SCNN1G: variants seen among roughly 807,000 people sequenced by gnomAD.
SCNN1G encodes sodium channel epithelial 1 subunit gamma, also known as epithelial sodium channel subunit gamma.
Under a neutral mutation model 64.6 loss-of-function variants are expected in SCNN1G, and 27 were observed. The ratio of observed to expected loss-of-function variants is 0.42; its 90% CI spans 0.31 to 0.58. The LOEUF is 0.58. Among genes scored for constraint, SCNN1G ranks in the 20% least tolerant of loss-of-function variants. The pLI, the probability that SCNN1G is intolerant of heterozygous loss-of-function variation, is 0.18. For missense variants in SCNN1G, 743 were observed against 823.4 expected, an observed-to-expected ratio of 0.90 and a Z score of 1.19; for synonymous variants, 330 against 314.2, an observed-to-expected ratio of 1.05 and a Z score of -0.53.
At chr16:23,213,425 T>C (rs1047848331) in intron 11 of SCNN1G, among the ~76,000 whole-genome samples, 1 of 152,094 alleles carries the variant, frequency 6.6e-6, no homozygotes, top group African/African-American at 2.4e-5. Flanking sequence ...GCTAATTTTA[T>C]ATTTTTAGCA....
intron 6 of SCNN1G, among the ~76,000 whole-genome samples, chr16:23,204,001 AG>A (rs1959935794): frequency 6.6e-6 from 1 of 151,424 alleles, no homozygotes; most frequent in Admixed American, 6.6e-5. Flanking sequence ...GGCTTGGCTG[AG>A]GGCAGTGACT....
chr16:23,212,141 C>A lies in SCNN1G; in HGVS notation c.1284C>A (p.His428Gln), dbSNP rs749657510. 1.9e-6 allele frequency: 3 copies of A among 1,610,426 alleles called. No individual in the cohort carries two copies. The highest frequency in any genetic ancestry group is 2.5e-6 in the Non-Finnish European group (3 of 1,176,804). Residue 428 changes from histidine (H) to glutamine (Q), a missense_variant, in exon 8 of 13, where the codon CAC (histidine) becomes CAA (glutamine). Transcript: ENST00000300061. ...CCAACTACTGCAACTACCAGCAGCA[C>A]CCCAACTGGAGTGAGTGAGACCCAG... Reference protein sequence around the residue: ...PAANYCNYQQHPNWMYCYYQL... With the variant: ...PAANYCNYQQQPNWMYCYYQL...
chr16:23,184,584 G>A (rs1207447178), intron 1 of SCNN1G, among the ~76,000 whole-genome samples: 2 of 152,034 alleles, frequency 1.3e-5, no homozygotes, highest in Non-Finnish European at 2.9e-5. Flanking sequence ...TCAATCTATG[G>A]AGGGTTTAGA....
At position 23,215,188 on chromosome 16, in the gene SCNN1G, T is replaced by C. The variant is rs1960140012; in HGVS notation, c.1669T>C (p.Phe557Leu). Residue 557 changes from phenylalanine (F) to leucine (L), a missense_variant, in exon 13 of 13, where the codon TTC becomes CTC. Transcript: ENST00000300061. ...GATCATCGAGGTCTTCTTCATTGAC[T>C]TCTTCTCTATCATTGCCCGCCGCCA... ...IEIIEVFFID[F>L]FSIIARRQWQ... The C allele has an allele frequency of 3.7e-6, 6 of 1,614,024 alleles. No homozygotes were observed. Among genetic ancestry groups the C allele is most frequent in the African/African-American group, 1.3e-5 (1 of 74,910 alleles).
At position 23,210,177 on chromosome 16, in the gene SCNN1G, G is replaced by A. The variant is rs995235223; in HGVS notation, c.1176+329G>A. On this transcript the variant is annotated intron_variant, in intron 7 of 12. Coordinates refer to ENST00000300061, the MANE Select transcript of SCNN1G (RefSeq NM_001039.4). ...CTGAAGGGTCAAGAGCATGGCTTCCGGGCCTGCTGGTGCCCCTCTCTGGAT... is the reference window on the plus strand; with the variant it reads ...CTGAAGGGTCAAGAGCATGGCTTCCAGGCCTGCTGGTGCCCCTCTCTGGAT... Among the ~76,000 whole-genome samples the A allele has an allele frequency of 4.6e-5, 7 of 152,288 alleles. No homozygotes were observed. The South Asian group carries it at 6.2e-4, about 14-fold the overall frequency.
Position 23,189,363 on chromosome 16 carries a change from C to T in SCNN1G, c.318-8C>T. On this transcript the variant is annotated splice_polypyrimidine_tract_variant and splice_region_variant and intron_variant, in intron 2 of 12. Coordinates refer to ENST00000300061, the MANE Select transcript of SCNN1G (RefSeq NM_001039.4). Reference sequence around the variant, plus strand: ...CCTCTCCCTGACTTTTCCTCCCCACCTTGGCAGGTACAGCACCGTTCGCCA... The same window carrying T: ...CCTCTCCCTGACTTTTCCTCCCCACTTTGGCAGGTACAGCACCGTTCGCCA... 6.2e-7 allele frequency: 1 copy of T among 1,612,818 alleles called. No individual in the cohort carries two copies. The highest frequency in any genetic ancestry group is 2.2e-5 in the East Asian group (1 of 44,876).
chr16:23,212,301 T>A, intron 8 of SCNN1G, 150 bp downstream of exon 8: 1 of 708,192 alleles, frequency 1.4e-6, no homozygotes, highest in Non-Finnish European at 2.6e-6. Context: ...ACTTCTGTTG[T>A]CAAGCCTGGC....
Position 23,212,711 on chromosome 16 carries a change from T to C in SCNN1G, c.1328T>C (p.Val443Ala). 6.2e-7 allele frequency: 1 copy of C among 1,614,172 alleles called. No individual in the cohort carries two copies. The highest frequency in any genetic ancestry group is 2.2e-5 in the East Asian group (1 of 44,874). The change falls in exon 9 of 13, where the codon GTC (valine) becomes GCC (alanine). Residue 443 changes from valine to alanine, a missense_variant. Transcript: ENST00000300061. ...YCYYQLHRAF[V>A]QEELGCQSVC... The stretch of plus-strand genomic sequence containing the variant: ...TACTACCAACTGCATCGAGCCTTTG[T>C]CCAGGAAGAGCTGGGCTGCCAGTCT...
chr16:23,182,972 C>G (rs548234839), intron 1 of SCNN1G, among the ~76,000 whole-genome samples, 159 bp downstream of exon 1: 1 of 152,178 alleles, frequency 6.6e-6, no homozygotes, highest in Non-Finnish European at 1.5e-5. Context: ...ACACCTTGCC[C>G]GGGCGGTAGC....
intron 6 of SCNN1G, among the ~76,000 whole-genome samples, chr16:23,204,332 TATAGAGAG>T (rs1268756567): frequency 9.1e-4 from 23 of 25,138 alleles, no homozygotes; most frequent in South Asian, 2.7e-3. Context: ...TATATATATA[TATAGAGAG>T]AGAGAGAGAG....
intron 8 of SCNN1G, 76 bp from the exon 9 acceptor site, chr16:23,212,602 T>C (rs375557194): frequency 2.7e-6 from 3 of 1,112,032 alleles, no homozygotes; most frequent in African/African-American, 3.1e-5. Context: ...TGCGGGGCTG[T>C]CCTTGGTGAC....
Position 23,215,537 on chromosome 16 carries a change from C to A in SCNN1G, c.*68C>A. The A allele has an allele frequency of 6.3e-7, 1 of 1,578,596 alleles. No individual in the cohort carries two copies. Among genetic ancestry groups the A allele is most frequent in the South Asian group, 1.1e-5 (1 of 90,530 alleles). ...GGTCTAAGGACATGGATCGGGTGCC[C>A]CCAGACGTGTGCACAGGGGACCCTC... On this transcript the variant is annotated 3_prime_UTR_variant, in exon 13 of 13. Transcript: ENST00000300061.
chr16:23,183,267 C>T (rs1288044256), intron 1 of SCNN1G, among the ~76,000 whole-genome samples: 1 of 152,228 alleles, frequency 6.6e-6, no homozygotes, highest in East Asian at 1.9e-4. Context: ...GGCGCTCCCC[C>T]GGGGCAGACG....
Position 23,215,378 on chromosome 16 carries a change from C to T in SCNN1G, c.1859C>T (p.Pro620Leu), listed in dbSNP as rs758443894. 2 of 1,613,974 alleles carry T rather than the reference C, an allele frequency of 1.2e-6. No individual in the cohort carries two copies. Among genetic ancestry groups the T allele is most frequent in the Non-Finnish European group, 1.7e-6 (2 of 1,180,030 alleles). Residue 620 changes from proline (P) to leucine (L), a missense_variant, in exon 13 of 13, where the codon CCC becomes CTC. Coordinates refer to ENST00000300061, the MANE Select transcript of SCNN1G (RefSeq NM_001039.4). ...HLPPALGTQV[P>L]GTPPPKYNTL... ...CCTCCAGCCCTAGGAACCCAAGTGC[C>T]CGGCACACCGCCCCCCAAATACAAT...
chr16:23,183,548 G>A (rs540497515), intron 1 of SCNN1G, among the ~76,000 whole-genome samples: 35 of 152,282 alleles, frequency 2.3e-4, no homozygotes, highest in Admixed American at 9.2e-4. Context: ...TGAGGAGGGG[G>A]TGCACGGAGC....
In SCNN1G at chr16:23,211,993, G is replaced by A. The variant is rs1286195889; in HGVS notation, c.1177-41G>A. 3 of 1,427,484 alleles carry A rather than the reference G, an allele frequency of 2.1e-6. No homozygotes were observed. The African/African-American group carries it at 4.2e-5, about 20-fold the overall frequency. 88.4% of individuals were successfully genotyped at this position (1,427,484 alleles called of 1,614,324 possible). Reference sequence around the variant, plus strand: ...GTGCAGGAAACTCCCTGACATCCCTGAGCAAAGACATGAATGGCATTCCTG... The same window carrying A: ...GTGCAGGAAACTCCCTGACATCCCTAAGCAAAGACATGAATGGCATTCCTG... On this transcript the variant is annotated intron_variant, in intron 7 of 12. Transcript: ENST00000300061.
chr16:23,199,663 CTTTTTTTTT>C lies in SCNN1G; in HGVS notation c.1077+2254_1077+2262del, dbSNP rs67132706. 6.7e-5 allele frequency among the ~76,000 whole-genome samples: 4 copies of C among 59,642 alleles called. 1 individual carries two copies. The highest frequency in any genetic ancestry group is 7.6e-4 in the South Asian group (1 of 1,322). 39.1% of individuals were successfully genotyped at this position (59,642 alleles called of 152,430 possible). A position where few individuals can be genotyped will look rare whatever the true frequency, so the allele number is the denominator to read the frequency against. On this transcript the variant is annotated intron_variant, in intron 6 of 12. Transcript: ENST00000300061. ...TGATGTTTTTCTTTTCTTTTCTTTT[CTTTTTTTTT>C]TTTTTTTTTTTTTTTTTGAGACAGA...
chr16:23,209,671 C>T, intron 6 of SCNN1G, 79 bp from the exon 7 acceptor site: 1 of 1,030,558 alleles, frequency 9.7e-7, no homozygotes, highest in Middle Eastern at 2.0e-4. Context: ...TGCAAAGTCC[C>T]CTGTCTGGTG....
At chr16:23,214,912 G>A in intron 12 of SCNN1G, 125 bp downstream of exon 12, 1 of 1,097,854 alleles carries the variant, frequency 9.1e-7, no homozygotes, top group Middle Eastern at 2.2e-4. Context: ...TTGTAGGCTA[G>A]CCAGGTCTCA....
Sources: allele counts gnomAD v4.1 joint callset (sites outside exome capture counted in the v4.1 genomes callset), GRCh38; gene constraint gnomAD v4.1.1; transcripts MANE v1.5; gene names NCBI Gene and HGNC (gene_info 2026-07-23, HGNC 2026-07-21).